Variants in NCKAP5 observed in about 807,000 individuals in gnomAD.
NCKAP5 encodes the protein nck-associated protein 5.
In NCKAP5, 92 loss-of-function variants were observed where a neutral mutation model predicts 167.0. That is an observed-to-expected ratio of 0.55 (90% CI 0.47 to 0.66). The LOEUF is 0.66. Ranked by LOEUF, NCKAP5 falls within the 30% of genes least tolerant of loss-of-function variation. The pLI, the probability that NCKAP5 is intolerant of heterozygous loss-of-function variation, is 0.00. For synonymous variants in NCKAP5, 891 were observed against 877.4 expected (o/e 1.02, Z -0.27); for missense variants, 2,378 against 2,315.0 (o/e 1.03, Z -0.56).
At chr2:132,836,865 G>A in intron 11 of NCKAP5, among the ~76,000 whole-genome samples, 1 of 152,150 alleles carries the variant, frequency 6.6e-6, no homozygotes, top group African/African-American at 2.4e-5. Flanking sequence ...GTCTTATTTT[G>A]CTGCTTTCTT....
intron 8 of NCKAP5, among the ~76,000 whole-genome samples, chr2:132,954,423 C>T (rs2076282023): frequency 6.6e-6 from 1 of 152,122 alleles, no homozygotes; most frequent in Non-Finnish European, 1.5e-5. Context: ...ATGGACATGA[C>T]TGCTTTAAAA....
At chr2:133,505,173 A>G (rs1312215190) in intron 3 of NCKAP5, among the ~76,000 whole-genome samples, 4 of 152,128 alleles carry the variant, frequency 2.6e-5, no homozygotes, top group Non-Finnish European at 5.9e-5. Flanking sequence ...CAGGGTTGAG[A>G]GCAAGAGGCC....
intron 9 of NCKAP5, among the ~76,000 whole-genome samples, chr2:132,869,542 C>T (rs1690631210): frequency 6.6e-6 from 1 of 152,182 alleles, no homozygotes; most frequent in Non-Finnish European, 1.5e-5. Flanking sequence ...TAGTTGTTTA[C>T]TACAACATCC....
chr2:133,062,652 G>T (rs1208785401), intron 6 of NCKAP5, among the ~76,000 whole-genome samples: 1 of 152,146 alleles, frequency 6.6e-6, no homozygotes. Context: ...CTGGTAGATG[G>T]CCTGCTATAA....
intron 5 of NCKAP5, among the ~76,000 whole-genome samples, chr2:133,202,422 A>C (rs889844779): frequency 3.9e-5 from 6 of 152,202 alleles, no homozygotes; most frequent in African/African-American, 1.4e-4. Context: ...TAGACCTAAA[A>C]CCATCAAAAC....
At chr2:133,030,004 C>T (rs959792514) in intron 6 of NCKAP5, among the ~76,000 whole-genome samples, 9 of 152,178 alleles carry the variant, frequency 5.9e-5, no homozygotes, top group African/African-American at 1.9e-4. Context: ...TCAGTTACTA[C>T]GCAGCTGTCA....
intron 5 of NCKAP5, among the ~76,000 whole-genome samples, chr2:133,194,466 G>A (rs988832930): frequency 3.9e-5 from 6 of 151,964 alleles, no homozygotes; most frequent in African/African-American, 7.3e-5. Context: ...GTTTAATTAC[G>A]TGTAGGACAA....
chr2:133,152,376 T>C (rs573697033), intron 5 of NCKAP5, among the ~76,000 whole-genome samples: 8 of 152,172 alleles, frequency 5.3e-5, no homozygotes, highest in Admixed American at 1.3e-4. Context: ...TTGTTGAAGA[T>C]TTTATGTAAG....
chr2:133,379,594 T>C (rs992259122), intron 3 of NCKAP5, among the ~76,000 whole-genome samples: 2 of 152,212 alleles, frequency 1.3e-5, no homozygotes, highest in African/African-American at 2.4e-5. Context: ...GTCAGCTCCA[T>C]GTGGACAGGA....
At chr2:133,532,491 T>C (rs1216124836) in intron 2 of NCKAP5, among the ~76,000 whole-genome samples, 4 of 152,212 alleles carry the variant, frequency 2.6e-5, no homozygotes, top group Non-Finnish European at 5.9e-5. Flanking sequence ...TTCTCTTTTA[T>C]TGAAAATAAA....
At chr2:132,712,639 G>C (rs1037205377) in intron 19 of NCKAP5, among the ~76,000 whole-genome samples, 1 of 151,988 alleles carries the variant, frequency 6.6e-6, no homozygotes, top group African/African-American at 2.4e-5. Flanking sequence ...GCAACAGAGT[G>C]AGATTCTGTC....
chr2:133,039,384 A>G (rs1439857092), intron 6 of NCKAP5, among the ~76,000 whole-genome samples: 4 of 152,212 alleles, frequency 2.6e-5, no homozygotes, highest in African/African-American at 9.6e-5. Context: ...TTTAGCTAGT[A>G]AACTGGAAGT....
At chr2:132,722,967 C>T (rs1463243919) in intron 19 of NCKAP5, among the ~76,000 whole-genome samples, 2 of 151,762 alleles carry the variant, frequency 1.3e-5, no homozygotes, top group Non-Finnish European at 2.9e-5. Flanking sequence ...AGGTATGTGC[C>T]ACCACATCCA....
chr2:133,664,533 C>T, the NCKAP5 span, among the ~76,000 whole-genome samples: 1 of 152,184 alleles, frequency 6.6e-6, no homozygotes, highest in African/African-American at 2.4e-5. Context: ...CAGAGTCTCG[C>T]TCTGTTGCCA....
intron 4 of NCKAP5, among the ~76,000 whole-genome samples, chr2:133,254,617 T>C (rs1442238958): frequency 1.3e-5 from 2 of 152,198 alleles, no homozygotes; most frequent in African/African-American, 4.8e-5. Flanking sequence ...TCCTTTACTA[T>C]GGGTTTCGTC....
Position 132,783,853 on chromosome 2 carries a change from C to T in NCKAP5, c.2958G>A (p.Pro986=), listed in dbSNP as rs189440819. Residue 986 remains proline, a synonymous_variant, in exon 14 of 20, where the codon CCG becomes CCA. Transcript: ENST00000409261. ...GISAPVISSN[P]ATTEVQRKKP... is the part of the protein sequence containing the mutation. ...TCTTCCTCTGCACTTCTGTCGTGGC[C>T]GGATTAGAAGAAATAACTGGAGCAG... 22 of 1,529,618 alleles carry T rather than the reference C, an allele frequency of 1.4e-5. No individual in the cohort carries two copies. Among genetic ancestry groups the T allele is most frequent in the Middle Eastern group, 1.8e-4 (1 of 5,638 alleles). 94.8% of individuals were successfully genotyped at this position (1,529,618 alleles called of 1,614,324 possible).
chr2:132,946,933 A>G (rs774051708), intron 8 of NCKAP5, among the ~76,000 whole-genome samples: 2 of 152,212 alleles, frequency 1.3e-5, no homozygotes, highest in African/African-American at 4.8e-5. Flanking sequence ...CCAAATTATT[A>G]CAGGATGTAT....
chr2:133,003,146 T>C (rs2149338078), intron 6 of NCKAP5, among the ~76,000 whole-genome samples: 1 of 152,320 alleles, frequency 6.6e-6, no homozygotes, highest in East Asian at 1.9e-4. Context: ...CACTGTCGGC[T>C]CCTGGCAGAC....
intron 5 of NCKAP5, among the ~76,000 whole-genome samples, chr2:133,196,664 C>T (rs757708285): frequency 2.6e-5 from 4 of 152,160 alleles, no homozygotes; most frequent in African/African-American, 7.2e-5. Flanking sequence ...TACCATTTTT[C>T]ACCGCCTGGT....
Sources: allele counts gnomAD v4.1 joint callset (sites outside exome capture counted in the v4.1 genomes callset), GRCh38; gene constraint gnomAD v4.1.1; transcripts MANE v1.5; gene names NCBI Gene and HGNC (gene_info 2026-07-23, HGNC 2026-07-21).